AKNAD1: variants seen among roughly 807,000 people sequenced by gnomAD.
AKNAD1 encodes protein AKNAD1.
AKNAD1 carries 67 observed loss-of-function variants against 90.8 expected under a neutral mutation model. The ratio of observed to expected loss-of-function variants is 0.74; its 90% confidence interval spans 0.61 to 0.90. The LOEUF is 0.90. Among genes scored for constraint, AKNAD1 ranks in the 40% least tolerant of loss-of-function variants. The probability of loss-of-function intolerance (pLI) is 0.00; values close to 1 mark genes in which losing one functional copy is unlikely to be tolerated. For missense variants in AKNAD1, 957 were observed against 975.4 expected, an observed-to-expected ratio of 0.98 and a Z score of 0.25; for synonymous variants, 327 against 341.4, an observed-to-expected ratio of 0.96 and a Z score of 0.46.
chr1:108,842,205 A>G (rs1414408698), intron 6 of AKNAD1, among the ~76,000 whole-genome samples: 1 of 152,202 alleles, frequency 6.6e-6, no homozygotes, highest in East Asian at 1.9e-4. Flanking sequence ...TAATTTTGGA[A>G]AAGTAAAACC....
rs1199537653 is a variant in AKNAD1 at position 108,856,954 on chromosome 1, G to C, written c.-129C>G. On this transcript the variant is annotated 5_prime_UTR_variant, in exon 1 of 16. Coordinates refer to ENST00000370001, the MANE Select transcript of AKNAD1 (RefSeq NM_152763.5). ...CCTTAGCAAGGTAATGAGCTTCTTT[G>C]AGATAACTGGAGGAACTGGAGCATC... 6.6e-6 allele frequency: 1 copy of C among 152,218 alleles called. No homozygotes were observed. The highest frequency in any genetic ancestry group is 1.9e-4 in the East Asian group (1 of 5,204). The allele number at this position is 152,218 out of a possible 1,614,324, so 9.4% of individuals were successfully genotyped here.
Position 108,843,201 on chromosome 1 carries a change from G to A in AKNAD1, c.1312C>T (p.His438Tyr). 1 of 1,614,206 alleles carries A rather than the reference G, an allele frequency of 6.2e-7. No homozygotes were observed. Among genetic ancestry groups the A allele is most frequent in the African/African-American group, 1.3e-5 (1 of 75,060 alleles). Residue 438 changes from histidine to tyrosine, a missense_variant, in exon 6 of 16, where the codon CAT (histidine) becomes TAT (tyrosine). Transcript: ENST00000370001. ...EQNFLATKDK[H>Y]LTLQQQVHKH... Reference sequence around the variant, plus strand: ...TGGACTTGCTGCTGCAAAGTCAGATGCTTGTCCTTGGTGGCCAGAAAGTTC... The same window carrying A: ...TGGACTTGCTGCTGCAAAGTCAGATACTTGTCCTTGGTGGCCAGAAAGTTC...
Position 108,852,011 on chromosome 1 carries a change from G to T in AKNAD1, c.654C>A (p.Thr218=). Residue 218 remains threonine (T), a synonymous_variant, in exon 2 of 16, where the codon ACC becomes ACA. Coordinates refer to ENST00000370001, the MANE Select transcript of AKNAD1 (RefSeq NM_152763.5). The part of the protein sequence containing the change: ...HQENVNVLTK[T]KGPGDKQKSY... ...TTTTTTGTTTATCACCTGGACCCTT[G>T]GTTTTAGTTAGAACATTCACATTTT... The T allele has an allele frequency of 1.2e-6, 2 of 1,614,024 alleles. No individual in the cohort carries two copies. The highest frequency in any genetic ancestry group is 1.7e-6 in the Non-Finnish European group (2 of 1,180,000).
At chr1:108,838,772 C>T (rs1464586195) in intron 6 of AKNAD1, among the ~76,000 whole-genome samples, 1 of 151,920 alleles carries the variant, frequency 6.6e-6, no homozygotes, top group African/African-American at 2.4e-5. Context: ...AAATCCATAT[C>T]AACACCATTT....
At chr1:108,844,175 C>A (rs561310726) in intron 5 of AKNAD1, among the ~76,000 whole-genome samples, 1 of 152,220 alleles carries the variant, frequency 6.6e-6, no homozygotes, top group African/African-American at 2.4e-5. Context: ...CCGGCCTGAC[C>A]AACATGGTGA....
intron 7 of AKNAD1, among the ~76,000 whole-genome samples, chr1:108,835,751 A>T (rs919407819): frequency 1.3e-5 from 2 of 151,812 alleles, no homozygotes; most frequent in African/African-American, 4.8e-5. Context: ...CAGCCTCCCA[A>T]GTAGCTGGGA....
At chr1:108,854,223 A>C (rs576451630) in intron 1 of AKNAD1, among the ~76,000 whole-genome samples, 1 of 152,314 alleles carries the variant, frequency 6.6e-6, no homozygotes, top group Admixed American at 6.5e-5. Context: ...ACCCATTCAG[A>C]TATCTCTTCC....
At chr1:108,853,552 C>T (rs1488907631) in intron 1 of AKNAD1, among the ~76,000 whole-genome samples, 1 of 152,164 alleles carries the variant, frequency 6.6e-6, no homozygotes, top group East Asian at 1.9e-4. Context: ...CATTCTGGTG[C>T]CTTTTCACCT....
rs796716882 is a variant in AKNAD1 at position 108,856,567 on chromosome 1, AGTG to A, written c.-104+359_-104+361del. ...AAAAAAAAATTAAAAATTAGCCAGC[AGTG>A]GTGGTATATGCCTGTAGTCCCAGCA... On this transcript the variant is annotated intron_variant, in intron 1 of 15. Transcript: ENST00000370001. Among the ~76,000 whole-genome samples the A allele has an allele frequency of 8.3e-4, 126 of 151,982 alleles. 1 individual carries two copies. Among genetic ancestry groups the A allele is most frequent in the African/African-American group, 2.9e-3 (122 of 41,470 alleles).
chr1:108,830,695 C>G, intron 9 of AKNAD1, 45 bp from the exon 10 acceptor site: 1 of 1,596,316 alleles, frequency 6.3e-7, no homozygotes, highest in South Asian at 1.1e-5. Context: ...GAGGATGTGA[C>G]TCACGCCGCG....
intron 11 of AKNAD1, 67 bp from the exon 12 acceptor site, chr1:108,823,755 G>A: frequency 1.2e-6 from 2 of 1,608,040 alleles, no homozygotes; most frequent in South Asian, 1.1e-5. Context: ...ATACGGTGTG[G>A]AGAGCAGAGC....
chr1:108,843,799 A>G (rs550275298), intron 5 of AKNAD1, among the ~76,000 whole-genome samples: 13 of 152,288 alleles, frequency 8.5e-5, no homozygotes, highest in Non-Finnish European at 1.5e-4. Context: ...ATGGGGAAGG[A>G]ACAGCAGGAA....
At chr1:108,820,467 G>T in intron 14 of AKNAD1, 78 bp downstream of exon 14, 1 of 912,040 alleles carries the variant, frequency 1.1e-6, no homozygotes, top group Non-Finnish European at 1.8e-6. Context: ...GGGGTAGGTA[G>T]TTAATGCACT....
intron 6 of AKNAD1, among the ~76,000 whole-genome samples, chr1:108,839,091 C>T (rs2101194813): frequency 6.6e-6 from 1 of 151,962 alleles, no homozygotes; most frequent in African/African-American, 2.4e-5. Context: ...ATATGCAGAC[C>T]CCGAAGCACG....
chr1:108,852,902 T>G, intron 1 of AKNAD1, 135 bp from the exon 2 acceptor site: 2 of 353,918 alleles, frequency 5.7e-6, no homozygotes, highest in South Asian at 1.5e-4. Context: ...AACCACAAGC[T>G]GACCCAACCT....
intron 5 of AKNAD1, among the ~76,000 whole-genome samples, chr1:108,848,439 C>T (rs1022858273): frequency 2.0e-5 from 3 of 152,166 alleles, no homozygotes; most frequent in Non-Finnish European, 2.9e-5. Flanking sequence ...CCATCAACTG[C>T]GGACAGGCCC....
intron 6 of AKNAD1, 148 bp downstream of exon 6, chr1:108,842,986 T>C: frequency 2.0e-6 from 2 of 979,074 alleles, no homozygotes; most frequent in East Asian, 2.4e-5. Flanking sequence ...TCTGTGGTAT[T>C]AGGTGACACT....
chr1:108,851,779 G>T lies in AKNAD1; in HGVS notation c.886C>A (p.Pro296Thr), dbSNP rs200422193. Reference protein sequence around the residue: ...ASFSSKSRDKPTLVQDSLETT... With the variant: ...ASFSSKSRDKTTLVQDSLETT... The stretch of plus-strand genomic sequence containing the variant: ...TCTAGACTATCTTGCACAAGAGTGG[G>T]TTTATCTCTCGACTTGGAAGAAAAG... The change falls in exon 2 of 16, where the codon CCC (proline) becomes ACC (threonine). Residue 296 changes from proline to threonine, a missense_variant. By Grantham distance (38) the Pro-to-Thr change is conservative. Transcript: ENST00000370001. 36 of 1,613,990 alleles carry T rather than the reference G, an allele frequency of 2.2e-5. No homozygotes were observed. In the East Asian group the frequency reaches 4.5e-4, roughly 20 times the overall value.
At chr1:108,846,615 C>T (rs904447425) in intron 5 of AKNAD1, among the ~76,000 whole-genome samples, 2 of 152,090 alleles carry the variant, frequency 1.3e-5, no homozygotes, top group Admixed American at 6.5e-5. Context: ...GGCTTCTCCG[C>T]CTCCGCTCCT....
Sources: allele counts gnomAD v4.1 joint callset (sites outside exome capture counted in the v4.1 genomes callset), GRCh38; gene constraint gnomAD v4.1.1; transcripts MANE v1.5; gene names NCBI Gene and HGNC (gene_info 2026-07-23, HGNC 2026-07-21).